Variants in GRIK2 observed in about 807,000 individuals in gnomAD.
GRIK2 encodes the protein glutamate ionotropic receptor kainate type subunit 2, also known as glutamate receptor ionotropic, kainate 2.
Under a neutral mutation model 100.3 loss-of-function variants are expected in GRIK2, and 32 were observed. That is an observed-to-expected ratio of 0.32 (90% confidence interval 0.24 to 0.43). The LOEUF (loss-of-function observed/expected upper bound fraction) is 0.43. Among genes scored for constraint, GRIK2 ranks in the 20% least tolerant of loss-of-function variants. GRIK2 has a pLI of 1.00. For missense variants in GRIK2, 843 were observed against 1,114.9 expected, an observed-to-expected ratio of 0.76 and a Z score of 3.47; for synonymous variants, 417 against 389.4, an observed-to-expected ratio of 1.07 and a Z score of -0.83.
At chr6:101,609,636 AC>A (rs1779585389) in intron 2 of GRIK2, among the ~76,000 whole-genome samples, 1 of 151,836 alleles carries the variant, frequency 6.6e-6, no homozygotes, top group Non-Finnish European at 1.5e-5. Flanking sequence ...TTGTTTTAAT[AC>A]ATGAGACACT....
chr6:101,633,370 C>T (rs866553181), intron 4 of GRIK2, among the ~76,000 whole-genome samples: 1 of 152,108 alleles, frequency 6.6e-6, no homozygotes, highest in African/African-American at 2.4e-5. Flanking sequence ...GACTGAAATC[C>T]TGACCCTGTC....
At chr6:101,752,357 G>T (rs1007357709) in intron 7 of GRIK2, among the ~76,000 whole-genome samples, 6 of 151,878 alleles carry the variant, frequency 4.0e-5, no homozygotes, top group African/African-American at 1.5e-4. Flanking sequence ...ATATATTTTT[G>T]CCCCAGCCCT....
At chr6:101,403,067 G>A (rs895571975) in intron 2 of GRIK2, among the ~76,000 whole-genome samples, 3 of 152,214 alleles carry the variant, frequency 2.0e-5, no homozygotes, top group Non-Finnish European at 4.4e-5. Context: ...AGCTCCGGCT[G>A]TGTGCCCGGC....
chr6:101,752,062 AT>A (rs564042312), intron 7 of GRIK2, among the ~76,000 whole-genome samples: 38 of 152,320 alleles, frequency 2.5e-4, no homozygotes, highest in African/African-American at 8.4e-4. Flanking sequence ...AAAGAAAAAA[AT>A]AAATGCTTAT....
intron 4 of GRIK2, among the ~76,000 whole-genome samples, chr6:101,635,885 G>A (rs1440543723): frequency 6.6e-6 from 1 of 152,162 alleles, no homozygotes; most frequent in East Asian, 1.9e-4. Flanking sequence ...AAATAGCAAT[G>A]CTTTTACACT....
At chr6:101,874,012 G>C (rs1351249665) in intron 11 of GRIK2, among the ~76,000 whole-genome samples, 2 of 152,090 alleles carry the variant, frequency 1.3e-5, no homozygotes, top group Non-Finnish European at 1.5e-5. Flanking sequence ...TGTCAGATGA[G>C]TAGATTGCAA....
chr6:101,741,158 C>G (rs960147031), intron 7 of GRIK2, among the ~76,000 whole-genome samples: 1 of 152,288 alleles, frequency 6.6e-6, no homozygotes, highest in South Asian at 2.1e-4. Flanking sequence ...GGTTGTCAAC[C>G]TTGACTGTAT....
chr6:101,835,619 C>T (rs1270022258), intron 10 of GRIK2, among the ~76,000 whole-genome samples: 1 of 150,480 alleles, frequency 6.6e-6, no homozygotes, highest in Admixed American at 6.7e-5. Context: ...TGCAGGCACC[C>T]GCCACCACGC....
chr6:101,939,287 C>T (rs1365928713), intron 14 of GRIK2, among the ~76,000 whole-genome samples: 1 of 151,910 alleles, frequency 6.6e-6, no homozygotes, highest in Non-Finnish European at 1.5e-5. Flanking sequence ...TTGAATTTAT[C>T]TCCCATAGAT....
intron 2 of GRIK2, among the ~76,000 whole-genome samples, chr6:101,560,461 A>G (rs1173284592): frequency 1.3e-5 from 2 of 152,062 alleles, no homozygotes; most frequent in Non-Finnish European, 2.9e-5. Context: ...ATTGTTTCCA[A>G]TGCCAGTATA....
chr6:101,860,863 G>T, intron 11 of GRIK2: 1 of 545,350 alleles, frequency 1.8e-6, no homozygotes, highest in Non-Finnish European at 2.3e-6. Flanking sequence ...TGTTTTAGGG[G>T]CTTTGGATTT....
intron 2 of GRIK2, among the ~76,000 whole-genome samples, chr6:101,416,424 G>A (rs909920886): frequency 1.3e-5 from 2 of 152,118 alleles, no homozygotes; most frequent in African/African-American, 4.8e-5. Context: ...GCTGGGGCAG[G>A]GGAGGAGCAG....
At chr6:102,009,133 G>A (rs1795392186) in intron 14 of GRIK2, among the ~76,000 whole-genome samples, 1 of 151,916 alleles carries the variant, frequency 6.6e-6, no homozygotes, top group Non-Finnish European at 1.5e-5. Flanking sequence ...GGTTTATGTA[G>A]ATATGTACTT....
chr6:101,432,842 C>A (rs1297635314), intron 2 of GRIK2, among the ~76,000 whole-genome samples: 1 of 151,976 alleles, frequency 6.6e-6, no homozygotes. Context: ...TTTGGCAAAC[C>A]AACAAAGAAC....
intron 7 of GRIK2, among the ~76,000 whole-genome samples, chr6:101,735,795 C>G (rs1260963235): frequency 1.3e-5 from 2 of 152,180 alleles, no homozygotes; most frequent in Non-Finnish European, 2.9e-5. Flanking sequence ...ATTTCAAAAC[C>G]AATCATGCCT....
chr6:101,682,246 A>G lies in GRIK2; in HGVS notation c.724-307A>G, dbSNP rs530924006. Among the ~76,000 whole-genome samples the G allele has an allele frequency of 4.6e-5, 7 of 152,300 alleles. No homozygotes were observed. In the South Asian group the frequency reaches 1.4e-3, roughly 32 times the overall value. On this transcript the variant is annotated intron_variant, in intron 5 of 16. Coordinates refer to ENST00000369134, the MANE Select transcript of GRIK2 (RefSeq NM_021956.5). ...TAGTGAAGACGTTACGAATGTAACA[A>G]ATTAAGATGTGCTAATTTCAGGTTT...
intron 12 of GRIK2, among the ~76,000 whole-genome samples, chr6:101,893,466 A>T (rs1787237075): frequency 6.6e-6 from 1 of 151,798 alleles, no homozygotes; most frequent in Non-Finnish European, 1.5e-5. Flanking sequence ...TCAAAACTAA[A>T]TTATAATGAG....
At chr6:101,824,426 G>T (rs866065199) in intron 10 of GRIK2, among the ~76,000 whole-genome samples, 1 of 151,998 alleles carries the variant, frequency 6.6e-6, no homozygotes, top group South Asian at 2.1e-4. Context: ...TAGAATAATG[G>T]TCTCCAATTA....
chr6:101,930,282 T>A (rs979049233), intron 14 of GRIK2, among the ~76,000 whole-genome samples: 3 of 151,502 alleles, frequency 2.0e-5, no homozygotes, highest in Non-Finnish European at 4.4e-5. Context: ...GCAGAGGTTG[T>A]AGTGAGCTAA....
Sources: allele counts gnomAD v4.1 joint callset (sites outside exome capture counted in the v4.1 genomes callset), GRCh38; gene constraint gnomAD v4.1.1; transcripts MANE v1.5; gene names NCBI Gene and HGNC (gene_info 2026-07-23, HGNC 2026-07-21).